MAML3: variants seen among roughly 807,000 people sequenced by gnomAD.
MAML3 encodes mastermind-like protein 3.
A neutral mutation model predicts 101.9 loss-of-function variants in MAML3; 27 were observed. The ratio of observed to expected loss-of-function variants is 0.27; its 90% CI spans 0.20 to 0.37. The LOEUF (loss-of-function observed/expected upper bound fraction) is 0.37. Among genes scored for constraint, MAML3 ranks in the 10% least tolerant of loss-of-function variants. MAML3 has a pLI of 1.00. For missense variants in MAML3, 1,316 were observed against 1,444.9 expected (o/e 0.91, Z 1.45); for synonymous variants, 501 against 555.9 (o/e 0.90, Z 1.39).
chr4:139,928,410 A>G (rs955526708), intron 1 of MAML3, among the ~76,000 whole-genome samples: 1 of 152,208 alleles, frequency 6.6e-6, no homozygotes, highest in East Asian at 1.9e-4. Context: ...GGCTACAAGA[A>G]AACATATTAA....
chr4:140,067,373 C>T (rs770590354), intron 1 of MAML3, among the ~76,000 whole-genome samples: 1 of 152,138 alleles, frequency 6.6e-6, no homozygotes, highest in African/African-American at 2.4e-5. Context: ...AAATCTGTCA[C>T]ACAGATTCTA....
intron 2 of MAML3, among the ~76,000 whole-genome samples, chr4:139,849,999 A>T (rs192509171): frequency 6.6e-6 from 1 of 152,304 alleles, no homozygotes; most frequent in African/African-American, 2.4e-5. Context: ...CATGTCTTAC[A>T]TGAGATTTAC....
chr4:139,929,883 G>T (rs957918245), intron 1 of MAML3, among the ~76,000 whole-genome samples: 2 of 152,174 alleles, frequency 1.3e-5, no homozygotes, highest in African/African-American at 4.8e-5. Flanking sequence ...TATTCGATTG[G>T]GAAGGAGTTT....
intron 2 of MAML3, among the ~76,000 whole-genome samples, chr4:139,819,644 C>T (rs1345654924): frequency 6.6e-6 from 1 of 152,154 alleles, no homozygotes; most frequent in Non-Finnish European, 1.5e-5. Context: ...GTAGTTATCA[C>T]TATTTTCTAA....
intron 1 of MAML3, among the ~76,000 whole-genome samples, chr4:140,105,670 G>T (rs1728338701): frequency 6.6e-6 from 1 of 152,146 alleles, no homozygotes; most frequent in Non-Finnish European, 1.5e-5. Flanking sequence ...GTTTCACTGA[G>T]AAATTAATAA....
At chr4:139,723,559 G>T (rs367882149) in intron 4 of MAML3, among the ~76,000 whole-genome samples, 1 of 152,106 alleles carries the variant, frequency 6.6e-6, no homozygotes, top group African/African-American at 2.4e-5. Flanking sequence ...TGAACTGCCC[G>T]CCTCGGCCTC....
In MAML3 at chr4:140,099,716, CAT is replaced by C. The variant is rs200931099; in HGVS notation, c.468+53142_468+53143del. On this transcript the variant is annotated intron_variant, in intron 1 of 4. Coordinates refer to ENST00000509479, the MANE Select transcript of MAML3 (RefSeq NM_018717.5). Reference sequence around the variant, plus strand: ...AAAGGATGAGCAGAATGTCTGAACACATGTTTGGCAATCAGAAAGTTATTTCT... The same window carrying C: ...AAAGGATGAGCAGAATGTCTGAACACGTTTGGCAATCAGAAAGTTATTTCT... Among the ~76,000 whole-genome samples the C allele has an allele frequency of 6.9e-3, 1,045 of 152,290 alleles. 7 individuals are homozygous for C. Among genetic ancestry groups the C allele is most frequent in the Non-Finnish European group, 0.01 (714 of 68,020 alleles).
chr4:139,779,977 C>G (rs1301412273), intron 2 of MAML3, among the ~76,000 whole-genome samples: 1 of 152,266 alleles, frequency 6.6e-6, no homozygotes, highest in African/African-American at 2.4e-5. Flanking sequence ...AGCTTGCAGA[C>G]TCTGCTCTGT....
intron 1 of MAML3, among the ~76,000 whole-genome samples, chr4:140,093,858 G>T (rs1417369891): frequency 6.6e-6 from 1 of 152,166 alleles, no homozygotes; most frequent in Non-Finnish European, 1.5e-5. Context: ...CACCTTGGCT[G>T]TATTACCCTA....
chr4:139,879,536 A>AAG (rs1553961887), intron 2 of MAML3, among the ~76,000 whole-genome samples: 1 of 148,542 alleles, frequency 6.7e-6, no homozygotes, highest in Non-Finnish European at 1.5e-5. Context: ...AAAAAAAAAA[A>AAG]AAAAGAAAAG....
chr4:139,819,155 G>A (rs1242315327), intron 2 of MAML3, among the ~76,000 whole-genome samples: 3 of 152,200 alleles, frequency 2.0e-5, no homozygotes, highest in African/African-American at 7.2e-5. Context: ...TCTGGCTGAA[G>A]TGGTATTTGA....
intron 1 of MAML3, among the ~76,000 whole-genome samples, chr4:140,087,485 G>A (rs1034406763): frequency 2.6e-5 from 4 of 152,152 alleles, no homozygotes; most frequent in Non-Finnish European, 5.9e-5. Context: ...TGGTTTCTAC[G>A]CTACGAACAA....
chr4:140,139,573 C>T (rs1051107628), intron 1 of MAML3, among the ~76,000 whole-genome samples: 1 of 152,090 alleles, frequency 6.6e-6, no homozygotes, highest in Non-Finnish European at 1.5e-5. Flanking sequence ...TGATTTTAGT[C>T]ATTTATTACC....
intron 2 of MAML3, among the ~76,000 whole-genome samples, chr4:139,763,867 C>A (rs1729803016): frequency 6.6e-6 from 1 of 152,156 alleles, no homozygotes; most frequent in Admixed American, 6.5e-5. Flanking sequence ...TTGAATATAC[C>A]AAGTTCATGG....
chr4:140,031,257 A>G (rs762717869), intron 1 of MAML3, among the ~76,000 whole-genome samples: 16 of 152,238 alleles, frequency 1.1e-4, no homozygotes, highest in Non-Finnish European at 2.9e-5. Context: ...TTATTCTTCA[A>G]ATAACAGCTA....
At chr4:140,128,373 C>G (rs1208559682) in intron 1 of MAML3, among the ~76,000 whole-genome samples, 1 of 152,164 alleles carries the variant, frequency 6.6e-6, no homozygotes, top group Non-Finnish European at 1.5e-5. Flanking sequence ...GAACAACCTG[C>G]AGGGCTAAAA....
At chr4:139,929,185 G>T (rs1733329115) in intron 1 of MAML3, among the ~76,000 whole-genome samples, 7 of 152,058 alleles carry the variant, frequency 4.6e-5, no homozygotes, top group Admixed American at 4.6e-4. Flanking sequence ...GTTGTGAGTG[G>T]ACAAAAAAGG....
chr4:140,003,316 G>A (rs948219689), intron 1 of MAML3, among the ~76,000 whole-genome samples: 17 of 152,102 alleles, frequency 1.1e-4, no homozygotes, highest in Admixed American at 6.5e-4. Context: ...AATTCTAGAG[G>A]GAGCTCTCGG....
intron 1 of MAML3, among the ~76,000 whole-genome samples, chr4:140,044,596 C>G (rs1399027148): frequency 6.6e-6 from 1 of 152,196 alleles, no homozygotes; most frequent in East Asian, 1.9e-4. Flanking sequence ...TACCAGCGGC[C>G]TCAAAGTGCC....
Sources: gnomAD v4.1 joint callset for allele counts (sites outside exome capture counted in the v4.1 genomes callset) on GRCh38, gnomAD v4.1.1 for gene constraint, MANE v1.5 for transcripts, NCBI Gene and HGNC (gene_info 2026-07-23, HGNC 2026-07-21) for gene names.